Variants in PDXK observed in about 807,000 individuals in gnomAD.
The protein encoded by PDXK is pyridoxal kinase, also known as epididymis secretory sperm binding protein Li 1a.
A neutral mutation model predicts 43.2 loss-of-function variants in PDXK; 15 were observed. That is an observed-to-expected ratio of 0.35 (90% confidence interval 0.23 to 0.53). PDXK has a LOEUF of 0.53. PDXK is among the 20% of genes least tolerant of loss of function. The pLI is 0.92. For synonymous variants in PDXK, 172 were observed against 165.4 expected (o/e 1.04, Z -0.31); for missense variants, 343 against 417.0 (o/e 0.82, Z 1.54).
chr21:43,736,144 C>G (rs1223327500), intron 2 of PDXK, among the ~76,000 whole-genome samples: 1 of 152,110 alleles, frequency 6.6e-6, no homozygotes. Flanking sequence ...TTTTTGTTCC[C>G]CCTACCCTCT....
At chr21:43,745,217 C>T (rs978125928) in intron 4 of PDXK, among the ~76,000 whole-genome samples, 1 of 152,008 alleles carries the variant, frequency 6.6e-6, no homozygotes, top group Admixed American at 6.6e-5. Flanking sequence ...GTCAGGTGTT[C>T]GAGATCAGCC....
chr21:43,740,286 G>A (rs1212083332), intron 2 of PDXK, among the ~76,000 whole-genome samples: 1 of 152,158 alleles, frequency 6.6e-6, no homozygotes, highest in Non-Finnish European at 1.5e-5. Flanking sequence ...GCCCTCAGGG[G>A]CAGGAGCCAT....
chr21:43,742,602 C>T (rs2083556631), intron 3 of PDXK, among the ~76,000 whole-genome samples: 1 of 152,184 alleles, frequency 6.6e-6, no homozygotes, highest in African/African-American at 2.4e-5. Context: ...TAAGGCCAGG[C>T]ACAGGGGCTC....
intron 3 of PDXK, among the ~76,000 whole-genome samples, chr21:43,742,228 G>T (rs1207257835): frequency 6.6e-6 from 1 of 152,156 alleles, no homozygotes; most frequent in African/African-American, 2.4e-5. Context: ...GGCCCAGGCT[G>T]TAGTGCAATG....
intron 7 of PDXK, among the ~76,000 whole-genome samples, chr21:43,752,100 CAT>C (rs141027091): frequency 0.046 from 6,105 of 133,818 alleles, 284 homozygotes; most frequent in African/African-American, 0.13. Flanking sequence ...CGATGCAGCA[CAT>C]GTGTGTGTGT....
At chr21:43,719,498 C>T (rs1247702104) in intron 1 of PDXK, 117 bp downstream of exon 1, 10 of 1,315,698 alleles carry the variant, frequency 7.6e-6, no homozygotes, top group Non-Finnish European at 1.0e-5. Flanking sequence ...CAGAGCCTGG[C>T]GCGGGCGCCC....
intron 1 of PDXK, 84 bp from the exon 2 acceptor site, chr21:43,733,985 C>T (rs2083363290): frequency 1.4e-6 from 2 of 1,379,550 alleles, no homozygotes; most frequent in Admixed American, 3.4e-5. Flanking sequence ...ATTTACTCCC[C>T]TCTTCTGAGT....
chr21:43,755,567 C>T (rs1395756328), intron 9 of PDXK, 131 bp from the exon 10 acceptor site: 12 of 790,594 alleles, frequency 1.5e-5, no homozygotes, highest in South Asian at 7.5e-5. Flanking sequence ...CGTGCATTGG[C>T]GGAGCCGGCT....
At chr21:43,753,885 C>T (rs774287329) in intron 9 of PDXK, among the ~76,000 whole-genome samples, 166 bp downstream of exon 9, 38 of 152,238 alleles carry the variant, frequency 2.5e-4, no homozygotes, top group Non-Finnish European at 5.4e-4. Context: ...ACAGGAGTTG[C>T]GCCTGTCACT....
intron 6 of PDXK, among the ~76,000 whole-genome samples, chr21:43,749,715 G>A (rs1371477136): frequency 6.6e-6 from 1 of 152,200 alleles, no homozygotes; most frequent in Admixed American, 6.5e-5. Flanking sequence ...CCCTGGGAGA[G>A]GAAGAGGAGG....
At chr21:43,740,416 A>G (rs1340896521) in intron 2 of PDXK, among the ~76,000 whole-genome samples, 1 of 152,076 alleles carries the variant, frequency 6.6e-6, no homozygotes, top group East Asian at 1.9e-4. Flanking sequence ...CTAGGAACCC[A>G]TACATCAGTT....
chr21:43,729,141 G>A (rs938016125), intron 1 of PDXK: 54 of 451,266 alleles, frequency 1.2e-4, no homozygotes, highest in Non-Finnish European at 1.5e-4. Flanking sequence ...TCCGCTGGGT[G>A]CTTGGCGCTT....
At chr21:43,755,306 C>G (rs2083827398) in intron 9 of PDXK, among the ~76,000 whole-genome samples, 1 of 151,706 alleles carries the variant, frequency 6.6e-6, no homozygotes, top group South Asian at 2.1e-4. Flanking sequence ...TTGGCTGACT[C>G]TGAGGCATCA....
rs369432283 is a variant in PDXK, at chr21:43,753,737, C to G, written c.759+18C>G. On this transcript the variant is annotated intron_variant, in intron 9 of 10. Transcript: ENST00000291565. ...ACCTCAAGGTCAGCCACACGCACCG[C>G]TCCCCTCCTCGCCCACTCCCACGGC... The G allele has an allele frequency of 3.1e-6, 5 of 1,600,364 alleles. No individual in the cohort carries two copies. In the African/African-American group the frequency reaches 6.7e-5, roughly 21 times the overall value.
chr21:43,727,353 G>A (rs1377498909), intron 1 of PDXK, among the ~76,000 whole-genome samples: 4 of 149,370 alleles, frequency 2.7e-5, no homozygotes, highest in Admixed American at 6.8e-5. Flanking sequence ...GCCGAGGAGG[G>A]GCCGGCAGCG....
At position 43,734,184 on chromosome 21, in the gene PDXK, A is replaced by T; in HGVS notation, c.142+61A>T. 6.9e-7 allele frequency: 1 copy of T among 1,455,438 alleles called. No individual in the cohort carries two copies. The highest frequency in any genetic ancestry group is 9.5e-7 in the Non-Finnish European group (1 of 1,055,420). The allele number at this position is 1,455,438 out of a possible 1,614,324, so 90.2% of individuals were successfully genotyped here. ...ACTGTGGGTGTGAGGGACGGGGCGG[A>T]GTGTGGGTGTGAGGGACGGGGCGGA... is the stretch of plus-strand genomic sequence containing the variant. On this transcript the variant is annotated intron_variant, in intron 2 of 10. Coordinates refer to ENST00000291565, the MANE Select transcript of PDXK (RefSeq NM_003681.5). This position sits in a 1 kb window ranked among gnomAD's most constrained non-coding sequence, Gnocchi z 5.0.
chr21:43,737,343 TC>T lies in PDXK; in HGVS notation c.142+3222del. ...CCCCTTCCCCCGGCCAGGCCCCCGT[TC>T]CTTGAGGCCGTACCACAAGGTGCGT... On this transcript the variant is annotated intron_variant, in intron 2 of 10. Transcript: ENST00000291565. This position sits in a 1 kb window ranked among gnomAD's most constrained non-coding sequence, Gnocchi z 4.8. 7.6e-7 allele frequency: 1 copy of T among 1,324,240 alleles called. No individual in the cohort carries two copies. The highest frequency in any genetic ancestry group is 1.5e-5 in the African/African-American group (1 of 66,806). 82.0% of individuals were successfully genotyped at this position (1,324,240 alleles called of 1,614,324 possible).
Position 43,737,812 on chromosome 21 carries a change from A to C in PDXK, c.142+3689A>C. 3.0e-6 allele frequency: 3 copies of C among 985,496 alleles called. No homozygotes were observed. Among genetic ancestry groups the C allele is most frequent in the Non-Finnish European group, 3.6e-6 (3 of 829,950 alleles). The allele number at this position is 985,496 out of a possible 1,614,324, so 61.0% of individuals were successfully genotyped here. ...AGTGCCAGGCTCCTTGGGCCGCCCG[A>C]GGAACCGCTTGTTTGCCTGTGCTTT... On this transcript the variant is annotated intron_variant, in intron 2 of 10. Transcript: ENST00000291565. The surrounding 1 kb of genome is among the most constrained non-coding windows in gnomAD (Gnocchi z 4.8).
At position 43,759,318 on chromosome 21, in the gene PDXK, G is replaced by GC. The variant is rs2083898604; in HGVS notation, c.*3258dup. On this transcript the variant is annotated 3_prime_UTR_variant, in exon 11 of 11. Transcript: ENST00000291565. ...GGGGCCCCGAGCAGCTCCCCACTCT[G>GC]CCCGTCCACCTTCCCTGGCTCCAGC... 6.5e-6 allele frequency: 1 copy of GC among 153,730 alleles called. No homozygotes were observed. Among genetic ancestry groups the GC allele is most frequent in the South Asian group, 2.1e-4 (1 of 4,836 alleles). The allele number at this position is 153,730 out of a possible 1,614,324, so 9.5% of individuals were successfully genotyped here.
Sources: gnomAD v4.1 joint callset for allele counts (sites outside exome capture counted in the v4.1 genomes callset) on GRCh38, gnomAD v4.1.1 for gene constraint, Gnocchi (gnomAD v3.1) non-coding constraint, MANE v1.5 for transcripts, NCBI Gene and HGNC (gene_info 2026-07-23, HGNC 2026-07-21) for gene names.